The following FAM110B variants were observed in gnomAD, a reference collection of about 807,000 sequenced individuals.
FAM110B encodes family with sequence similarity 110 member B.
A neutral mutation model predicts 20.4 loss-of-function variants in FAM110B; 6 were observed. That is an observed-to-expected ratio of 0.29 (90% CI 0.16 to 0.58). The LOEUF (loss-of-function observed/expected upper bound fraction) is 0.58, where lower values mean the gene tolerates loss of function less well. Among genes scored for constraint, FAM110B ranks in the 20% least tolerant of loss-of-function variants. FAM110B has a pLI of 0.90. For missense variants in FAM110B, 434 were observed against 498.2 expected, an observed-to-expected ratio of 0.87 and a Z score of 1.23; for synonymous variants, 226 against 214.1, an observed-to-expected ratio of 1.06 and a Z score of -0.49.
chr8:58,147,454 T>A lies in FAM110B; in HGVS notation c.*111T>A. 1 of 1,330,506 alleles carries A rather than the reference T, an allele frequency of 7.5e-7. No homozygotes were observed. The allele number at this position is 1,330,506 out of a possible 1,614,324, so 82.4% of individuals were successfully genotyped here. ...TCTCCACTCTTTGTGTTGCTTGTTG[T>A]GCAATGTTTTCAAGTTGCATGCTTG... On this transcript the variant is annotated 3_prime_UTR_variant, in exon 4 of 4. Transcript: ENST00000519262.
At chr8:58,025,871 A>AT (rs1435328582) in intron 1 of FAM110B, among the ~76,000 whole-genome samples, 6 of 152,120 alleles carry the variant, frequency 3.9e-5, no homozygotes, top group African/African-American at 1.4e-4. Context: ...TGATGTAAAT[A>AT]TTTTTAGGTC....
At chr8:58,032,748 A>C (rs552832780) in intron 2 of FAM110B, 2 of 152,230 alleles carry the variant, frequency 1.3e-5, no homozygotes, top group South Asian at 4.1e-4. Flanking sequence ...GGAATGCATT[A>C]ATTGTTCCAG....
chr8:58,131,903 A>G (rs1803481753), intron 3 of FAM110B, among the ~76,000 whole-genome samples: 1 of 152,194 alleles, frequency 6.6e-6, no homozygotes, highest in Admixed American at 6.5e-5. Context: ...CTTAGGGGAA[A>G]GTTGCATTGC....
At position 58,146,294 on chromosome 8, in the gene FAM110B, A is replaced by G. The variant is rs1486851283; in HGVS notation, c.64A>G (p.Thr22Ala). 1 of 1,613,636 alleles carries G rather than the reference A, an allele frequency of 6.2e-7. No homozygotes were observed. The highest frequency in any genetic ancestry group is 8.5e-7 in the Non-Finnish European group (1 of 1,179,872). Residue 22 changes from threonine (T) to alanine (A), a missense_variant, in exon 4 of 4, where the codon ACC (threonine) becomes GCC (alanine). Physicochemically the swap from Thr to Ala is moderately conservative, Grantham distance 58. Around this residue, in one of 3 missense-constraint regions of FAM110B, gnomAD observed 56 missense variants for 82.1 expected, o/e 0.68. Transcript: ENST00000519262. ...VKPVSPAGTF[T>A]SAVPLRILNK... ...GCCGGTCAGCCCCGCGGGCACCTTC[A>G]CCTCTGCTGTGCCCCTGCGCATCCT...
chr8:58,017,387 C>A (rs898446448), intron 1 of FAM110B, among the ~76,000 whole-genome samples: 3 of 152,166 alleles, frequency 2.0e-5, no homozygotes, highest in African/African-American at 7.2e-5. Flanking sequence ...CGAACCAGTT[C>A]TTCATAAGAA....
intron 3 of FAM110B, among the ~76,000 whole-genome samples, chr8:58,082,137 C>T (rs923541560): frequency 4.6e-5 from 7 of 152,100 alleles, no homozygotes; most frequent in African/African-American, 4.8e-5. Context: ...GCAGCATCAG[C>T]GCTATTCTAT....
chr8:58,038,871 A>G (rs1484811167), intron 2 of FAM110B, among the ~76,000 whole-genome samples: 2 of 152,212 alleles, frequency 1.3e-5, no homozygotes, highest in Admixed American at 1.3e-4. Flanking sequence ...AGAGCTTGGC[A>G]TTCAGGAATT....
At chr8:58,065,849 A>G (rs1805748337) in intron 2 of FAM110B, among the ~76,000 whole-genome samples, 1 of 152,106 alleles carries the variant, frequency 6.6e-6, no homozygotes, top group Non-Finnish European at 1.5e-5. Flanking sequence ...TTCCTTTGCA[A>G]TTTTAAAGCC....
chr8:58,034,409 C>A (rs1413587054), intron 2 of FAM110B, among the ~76,000 whole-genome samples: 1 of 152,204 alleles, frequency 6.6e-6, no homozygotes, highest in East Asian at 1.9e-4. Context: ...GCCCTGACCC[C>A]TTTCCTGTCC....
intron 3 of FAM110B, among the ~76,000 whole-genome samples, chr8:58,145,539 A>T (rs550174128): frequency 4.7e-4 from 72 of 152,228 alleles, no homozygotes; most frequent in Non-Finnish European, 9.0e-4. Flanking sequence ...GCTGGGGAAC[A>T]GGGCTTGGCT....
intron 3 of FAM110B, among the ~76,000 whole-genome samples, chr8:58,114,104 C>T (rs561254663): frequency 6.6e-6 from 1 of 152,240 alleles, no homozygotes; most frequent in African/African-American, 2.4e-5. Flanking sequence ...AGAGAAAGAA[C>T]AATCACTCAA....
intron 3 of FAM110B, among the ~76,000 whole-genome samples, chr8:58,142,520 G>A (rs896380028): frequency 2.6e-5 from 4 of 151,996 alleles, no homozygotes; most frequent in Non-Finnish European, 4.4e-5. Context: ...CACAAACCAG[G>A]ACTCCCCCAC....
At chr8:58,094,075 T>G (rs1806555762) in intron 3 of FAM110B, among the ~76,000 whole-genome samples, 1 of 152,228 alleles carries the variant, frequency 6.6e-6, no homozygotes, top group Non-Finnish European at 1.5e-5. Flanking sequence ...ATAGGAATGC[T>G]TATGATTTTT....
At chr8:58,022,731 A>T (rs574194506) in intron 1 of FAM110B, among the ~76,000 whole-genome samples, 44 of 152,344 alleles carry the variant, frequency 2.9e-4, no homozygotes, top group Admixed American at 1.4e-3. Flanking sequence ...GGAGATGAAT[A>T]GCTTTTCTTA....
intron 3 of FAM110B, among the ~76,000 whole-genome samples, chr8:58,101,778 A>G (rs1806785808): frequency 6.6e-6 from 1 of 152,100 alleles, no homozygotes; most frequent in Non-Finnish European, 1.5e-5. Context: ...ATGATTGCAA[A>G]TGACAGATGG....
At chr8:57,998,924 T>G (rs1393706904) in intron 1 of FAM110B, among the ~76,000 whole-genome samples, 1 of 152,242 alleles carries the variant, frequency 6.6e-6, no homozygotes, top group African/African-American at 2.4e-5. Flanking sequence ...ACATCTTAGA[T>G]TTCCTTATAC....
intron 2 of FAM110B, among the ~76,000 whole-genome samples, chr8:58,066,740 C>T (rs1267107921): frequency 2.0e-5 from 3 of 152,030 alleles, no homozygotes; most frequent in East Asian, 1.9e-4. Context: ...GACTAGGGAG[C>T]GGATCGTTGG....
At position 58,129,802 on chromosome 8, in the gene FAM110B, C is replaced by T. The variant is rs1172746532; in HGVS notation, c.-324-16105C>T. Among the ~76,000 whole-genome samples, 6 of 152,262 alleles carry T rather than the reference C, an allele frequency of 3.9e-5. No homozygotes were observed. The South Asian group carries it at 6.2e-4, about 16-fold the overall frequency. ...CCCGCATCCTGCTCCTTCTTTCTTC[C>T]GCTCTTACTTTTTTCATCCAGTCTG... is the stretch of plus-strand genomic sequence containing the variant. On this transcript the variant is annotated intron_variant, in intron 3 of 3. Transcript: ENST00000519262.
At chr8:57,998,415 A>T (rs564252500) in intron 1 of FAM110B, among the ~76,000 whole-genome samples, 2 of 152,214 alleles carry the variant, frequency 1.3e-5, no homozygotes, top group Non-Finnish European at 2.9e-5. Context: ...AAGGAGGTTT[A>T]TTCATTTTGA....
Sources: gnomAD v4.1 joint callset for allele counts (sites outside exome capture counted in the v4.1 genomes callset) on GRCh38, gnomAD v4.1.1 for gene constraint, gnomAD v4.1.1 regional missense constraint, MANE v1.5 for transcripts, NCBI Gene and HGNC (gene_info 2026-07-23, HGNC 2026-07-21) for gene names.